Variants in DCUN1D3 observed in about 807,000 individuals in gnomAD.
The protein encoded by DCUN1D3 is defective in cullin neddylation 1 domain containing 3.
DCUN1D3 carries 6 observed loss-of-function variants against 24.8 expected under a neutral mutation model. The ratio of observed to expected loss-of-function variants is 0.24; its 90% CI spans 0.13 to 0.48. DCUN1D3 has a LOEUF of 0.48. DCUN1D3 is among the 20% of genes least tolerant of loss of function. The pLI, the probability that DCUN1D3 is intolerant of heterozygous loss-of-function variation, is 0.99. For missense variants in DCUN1D3, 258 were observed against 379.4 expected, an observed-to-expected ratio of 0.68 and a Z score of 2.66; for synonymous variants, 120 against 144.9, an observed-to-expected ratio of 0.83 and a Z score of 1.24.
chr16:20,871,871 C>A (rs1001807125), intron 1 of DCUN1D3, among the ~76,000 whole-genome samples: 3 of 152,196 alleles, frequency 2.0e-5, no homozygotes, highest in African/African-American at 7.2e-5. Context: ...ATTTCTAGGT[C>A]ATTCTTTGTT....
intron 1 of DCUN1D3, among the ~76,000 whole-genome samples, chr16:20,879,109 T>C (rs1011286123): frequency 4.6e-5 from 7 of 152,194 alleles, no homozygotes; most frequent in African/African-American, 1.7e-4. Flanking sequence ...AAACAGAGCT[T>C]CCAATTTTAG....
intron 1 of DCUN1D3, among the ~76,000 whole-genome samples, chr16:20,872,609 C>T (rs1319716837): frequency 6.6e-6 from 1 of 152,054 alleles, no homozygotes; most frequent in East Asian, 1.9e-4. Flanking sequence ...AAAAGAATTC[C>T]TGCTTTCAAC....
At chr16:20,875,224 AC>A (rs1567425655) in intron 1 of DCUN1D3, among the ~76,000 whole-genome samples, 5 of 126,954 alleles carry the variant, frequency 3.9e-5, no homozygotes, top group Non-Finnish European at 8.5e-5. Context: ...ACACACACAC[AC>A]ACACACACAC....
rs1230043311 is a variant in DCUN1D3, at chr16:20,857,334, CTAAA to C, written c.*2548_*2551del. The C allele has an allele frequency of 1.3e-5, 2 of 152,172 alleles. No homozygotes were observed. Among genetic ancestry groups the C allele is most frequent in the African/African-American group, 2.4e-5 (1 of 41,444 alleles). 9.4% of individuals were successfully genotyped at this position (152,172 alleles called of 1,614,324 possible). A position where few individuals can be genotyped will look rare whatever the true frequency, so the allele number is the denominator to read the frequency against. Reference sequence around the variant, plus strand: ...GCTTTTTTGGTGGGGGATGAGGAGGCTAAATAGTTAATTTAAAAAACAACAAAAT... The same window carrying C: ...GCTTTTTTGGTGGGGGATGAGGAGGCTAGTTAATTTAAAAAACAACAAAAT... On this transcript the variant is annotated 3_prime_UTR_variant, in exon 3 of 3. Transcript: ENST00000324344.
intron 1 of DCUN1D3, among the ~76,000 whole-genome samples, chr16:20,866,429 C>T (rs929140954): frequency 1.8e-4 from 28 of 152,130 alleles, no homozygotes; most frequent in African/African-American, 6.5e-4. Context: ...TCTGACCCAC[C>T]TACCCCAGGC....
intron 1 of DCUN1D3, among the ~76,000 whole-genome samples, chr16:20,885,088 G>C (rs2081862482): frequency 6.7e-6 from 1 of 150,202 alleles, no homozygotes; most frequent in Non-Finnish European, 1.5e-5. Flanking sequence ...CAATTCTCCT[G>C]CCTCAGCCTC....
rs1403729037 is a variant in DCUN1D3 at position 20,856,949 on chromosome 16, T to A, written c.*2937A>T. On this transcript the variant is annotated 3_prime_UTR_variant, in exon 3 of 3. Coordinates refer to ENST00000324344, the MANE Select transcript of DCUN1D3 (RefSeq NM_173475.4). ...CCACATCACCCTGATGTTCTGTTGC[T>A]AAGCAAGGAGTGTACTGGCTTATCT... 6.6e-6 allele frequency: 1 copy of A among 152,216 alleles called. No individual in the cohort carries two copies. The highest frequency in any genetic ancestry group is 2.4e-5 in the African/African-American group (1 of 41,444). 9.4% of individuals were successfully genotyped at this position (152,216 alleles called of 1,614,324 possible). A position where few individuals can be genotyped will look rare whatever the true frequency, so the allele number is the denominator to read the frequency against.
At chr16:20,876,402 A>C (rs2081815552) in intron 1 of DCUN1D3, among the ~76,000 whole-genome samples, 1 of 151,770 alleles carries the variant, frequency 6.6e-6, no homozygotes, top group African/African-American at 2.4e-5. Context: ...GCCACAACGA[A>C]ATATTATCTC....
At position 20,859,075 on chromosome 16, in the gene DCUN1D3, T is replaced by C. The variant is rs1427849956; in HGVS notation, c.*811A>G. ...CAGCAAAACTGAGGTAGCACTGCTT[T>C]CTCCGCATTCAATGCTTAAGTGGTT... is the stretch of plus-strand genomic sequence containing the variant. On this transcript the variant is annotated 3_prime_UTR_variant, in exon 3 of 3. Transcript: ENST00000324344. 1 of 152,540 alleles carries C rather than the reference T, an allele frequency of 6.6e-6. No individual in the cohort carries two copies. The highest frequency in any genetic ancestry group is 2.4e-5 in the African/African-American group (1 of 41,406). 9.4% of individuals were successfully genotyped at this position (152,540 alleles called of 1,614,324 possible). A position where few individuals can be genotyped will look rare whatever the true frequency, so the allele number is the denominator to read the frequency against.
intron 1 of DCUN1D3, among the ~76,000 whole-genome samples, chr16:20,863,367 C>T (rs2081743532): frequency 6.6e-6 from 1 of 152,204 alleles, no homozygotes; most frequent in African/African-American, 2.4e-5. Flanking sequence ...ACTTAGAATG[C>T]AAGCCAAGTC....
At chr16:20,878,812 A>G (rs1173842116) in intron 1 of DCUN1D3, among the ~76,000 whole-genome samples, 3 of 152,208 alleles carry the variant, frequency 2.0e-5, no homozygotes, top group African/African-American at 7.2e-5. Flanking sequence ...GATACAGACA[A>G]TAAAGGTCCT....
At chr16:20,871,575 G>A (rs555790780) in intron 1 of DCUN1D3, among the ~76,000 whole-genome samples, 1 of 152,302 alleles carries the variant, frequency 6.6e-6, no homozygotes, top group African/African-American at 2.4e-5. Flanking sequence ...CCTCAGGACT[G>A]AAGCCAGTGT....
chr16:20,888,660 G>A (rs2081877887), intron 1 of DCUN1D3, among the ~76,000 whole-genome samples: 1 of 151,994 alleles, frequency 6.6e-6, no homozygotes, highest in Non-Finnish European at 1.5e-5. Context: ...TCACCATGTT[G>A]CCCAGGCTAG....
At chr16:20,883,125 T>C (rs1367577294) in intron 1 of DCUN1D3, among the ~76,000 whole-genome samples, 1 of 152,210 alleles carries the variant, frequency 6.6e-6, no homozygotes, top group African/African-American at 2.4e-5. Flanking sequence ...GCATTTCCTT[T>C]GGGCCTCATG....
At chr16:20,872,421 C>CCTCAGGTT (rs1209200298) in intron 1 of DCUN1D3, among the ~76,000 whole-genome samples, 4 of 151,638 alleles carry the variant, frequency 2.6e-5, no homozygotes, top group African/African-American at 9.7e-5. Flanking sequence ...TCTAAGTAGG[C>CCTCAGGTT]CTCAGGTTCA....
chr16:20,894,005 G>A (rs896387659), intron 1 of DCUN1D3, among the ~76,000 whole-genome samples: 2 of 152,146 alleles, frequency 1.3e-5, no homozygotes, highest in African/African-American at 4.8e-5. Flanking sequence ...GGTGGCTCAC[G>A]CCTGTAACCC....
In DCUN1D3 at chr16:20,857,247, C is replaced by T. The variant is rs1460442187; in HGVS notation, c.*2639G>A. The T allele has an allele frequency of 6.6e-6, 1 of 152,238 alleles. No individual in the cohort carries two copies. The highest frequency in any genetic ancestry group is 1.5e-5 in the Non-Finnish European group (1 of 68,032). 9.4% of individuals were successfully genotyped at this position (152,238 alleles called of 1,614,324 possible). On this transcript the variant is annotated 3_prime_UTR_variant, in exon 3 of 3. Coordinates refer to ENST00000324344, the MANE Select transcript of DCUN1D3 (RefSeq NM_173475.4). Reference sequence around the variant, plus strand: ...AAGGAACTTGTAAGTCCCTCCCTGACTGCTCCCTTTTCTGGCTTCTCATTT... The same window carrying T: ...AAGGAACTTGTAAGTCCCTCCCTGATTGCTCCCTTTTCTGGCTTCTCATTT...
At chr16:20,865,335 A>T (rs1011697560) in intron 1 of DCUN1D3, among the ~76,000 whole-genome samples, 2 of 152,168 alleles carry the variant, frequency 1.3e-5, no homozygotes, top group African/African-American at 4.8e-5. Flanking sequence ...TACATAACAA[A>T]CTCGTCATGG....
intron 1 of DCUN1D3, among the ~76,000 whole-genome samples, chr16:20,892,824 T>A (rs2081898216): frequency 6.6e-6 from 1 of 152,228 alleles, no homozygotes; most frequent in Non-Finnish European, 1.5e-5. Flanking sequence ...ATGGTCACTT[T>A]CAGAACTATT....
Sources: gnomAD v4.1 joint callset for allele counts (sites outside exome capture counted in the v4.1 genomes callset) on GRCh38, gnomAD v4.1.1 for gene constraint, MANE v1.5 for transcripts, NCBI Gene and HGNC (gene_info 2026-07-23, HGNC 2026-07-21) for gene names.